VPS13A: variants seen among roughly 807,000 people sequenced by gnomAD.
VPS13A encodes the protein vacuolar protein sorting 13 homolog A.
VPS13A carries 264 observed loss-of-function variants against 390.9 expected under a neutral mutation model. That is an observed-to-expected ratio of 0.68 (90% confidence interval 0.61 to 0.75). VPS13A has a LOEUF of 0.75. Ranked by LOEUF, VPS13A falls within the 30% of genes least tolerant of loss-of-function variation. The pLI is 0.00. For synonymous variants in VPS13A, 1,231 were observed against 1,227.1 expected, an observed-to-expected ratio of 1.00 and a Z score of -0.07; for missense variants, 3,409 against 3,733.9, an observed-to-expected ratio of 0.91 and a Z score of 2.27.
rs57265715 is a variant in VPS13A, at chr9:77,354,722, T to C, written c.7652+1081T>C. Among the ~76,000 whole-genome samples, 1,200 of 152,188 alleles carry C rather than the reference T, an allele frequency of 7.9e-3. 18 individuals are homozygous for C. Among genetic ancestry groups the C allele is most frequent in the African/African-American group, 0.027 (1,126 of 41,520 alleles). ...ATACTTGTCTCCCCTTAAACCCCCA[T>C]TGTGTCAGCTTACTACCTTGCATTC... On this transcript the variant is annotated intron_variant, in intron 54 of 71. Transcript: ENST00000360280.
chr9:77,296,773 C>T (rs921782766), intron 33 of VPS13A, among the ~76,000 whole-genome samples: 6 of 152,058 alleles, frequency 3.9e-5, no homozygotes, highest in Non-Finnish European at 5.9e-5. Flanking sequence ...AATTTACCAG[C>T]GAAGCCATCT....
chr9:77,205,876 C>T, intron 4 of VPS13A, 102 bp from the exon 5 acceptor site: 2 of 877,812 alleles, frequency 2.3e-6, no homozygotes, highest in Non-Finnish European at 3.5e-6. Flanking sequence ...AGGCATGAGC[C>T]ACCGCGCCCG....
chr9:77,383,100 A>G (rs1326899085), intron 68 of VPS13A: 11 of 890,730 alleles, frequency 1.2e-5, no homozygotes, highest in Non-Finnish European at 1.5e-5. Context: ...AATATTTTAA[A>G]TATTGTGATA....
chr9:77,338,881 A>G (rs1273051756), intron 47 of VPS13A: 2 of 152,440 alleles, frequency 1.3e-5, no homozygotes, highest in African/African-American at 2.4e-5. Flanking sequence ...GGGTGTGATC[A>G]GTTTTTAGAA....
At chr9:77,357,950 GC>G in intron 56 of VPS13A, 112 bp downstream of exon 56, 16 of 633,734 alleles carry the variant, frequency 2.5e-5, no homozygotes, top group South Asian at 1.2e-4. Flanking sequence ...TGTTGTGCTA[GC>G]CTTTTTTTTT....
chr9:77,315,531 C>T, intron 38 of VPS13A, 61 bp downstream of exon 38: 1 of 1,452,242 alleles, frequency 6.9e-7, no homozygotes, highest in Non-Finnish European at 9.6e-7. Context: ...CAGGACTTAA[C>T]CTTGATTAGC....
At chr9:77,282,100 A>G in intron 28 of VPS13A, 21 bp from the exon 29 acceptor site, 1 of 1,612,268 alleles carries the variant, frequency 6.2e-7, no homozygotes. Context: ...ACCTATCACT[A>G]AAATCAGCTT....
chr9:77,341,438 C>T (rs1383492928), intron 50 of VPS13A, among the ~76,000 whole-genome samples: 1 of 152,132 alleles, frequency 6.6e-6, no homozygotes, highest in Non-Finnish European at 1.5e-5. Flanking sequence ...ATGTGGTTTA[C>T]TTTTTATTTA....
At chr9:77,343,964 T>C (rs1299671602) in intron 50 of VPS13A, among the ~76,000 whole-genome samples, 189 bp from the exon 51 acceptor site, 1 of 152,204 alleles carries the variant, frequency 6.6e-6, no homozygotes, top group Non-Finnish European at 1.5e-5. Context: ...CTTGAATGCA[T>C]AGTGCTGACA....
chr9:77,375,854 C>T (rs568762079), intron 67 of VPS13A, among the ~76,000 whole-genome samples: 5 of 152,292 alleles, frequency 3.3e-5, no homozygotes, highest in South Asian at 2.1e-4. Flanking sequence ...CAGCAATGAA[C>T]ACAATTGGCA....
intron 33 of VPS13A, among the ~76,000 whole-genome samples, chr9:77,299,612 G>A (rs1025137499): frequency 1.3e-5 from 2 of 152,104 alleles, no homozygotes; most frequent in Non-Finnish European, 2.9e-5. Context: ...CTCCTGTAAA[G>A]ACACATGCAC....
At chr9:77,300,509 A>G (rs1828280278) in intron 33 of VPS13A, among the ~76,000 whole-genome samples, 1 of 152,226 alleles carries the variant, frequency 6.6e-6, no homozygotes, top group African/African-American at 2.4e-5. Context: ...AGGATGGCAG[A>G]TTGCTTGAGC....
At chr9:77,351,535 G>A (rs1831467234) in intron 53 of VPS13A, 89 bp downstream of exon 53, 2 of 1,517,668 alleles carry the variant, frequency 1.3e-6, no homozygotes, top group Non-Finnish European at 9.0e-7. Context: ...TGTAATCCCA[G>A]CACTTTTGGG....
At chr9:77,212,006 AT>A (rs1299513608) in intron 7 of VPS13A, among the ~76,000 whole-genome samples, 1 of 152,146 alleles carries the variant, frequency 6.6e-6, no homozygotes, top group Non-Finnish European at 1.5e-5. Flanking sequence ...TGGAAAAGTT[AT>A]CTCCTATGAA....
chr9:77,303,272 A>G (rs537051851), intron 34 of VPS13A, among the ~76,000 whole-genome samples: 82 of 152,330 alleles, frequency 5.4e-4, no homozygotes, highest in South Asian at 1.4e-3. Context: ...GCAAGGAAGC[A>G]ATGACATTGT....
At chr9:77,233,073 T>C (rs1823929616) in intron 17 of VPS13A, among the ~76,000 whole-genome samples, 1 of 152,168 alleles carries the variant, frequency 6.6e-6, no homozygotes. Context: ...TACTATAGGT[T>C]TTTAAGGTTA....
intron 31 of VPS13A, among the ~76,000 whole-genome samples, chr9:77,291,953 G>A (rs1827696329): frequency 6.6e-6 from 1 of 152,130 alleles, no homozygotes; most frequent in Non-Finnish European, 1.5e-5. Context: ...GGCCCCAGGA[G>A]AGTTCTTGTT....
chr9:77,285,383 G>C (rs1827268383), intron 31 of VPS13A, among the ~76,000 whole-genome samples: 1 of 152,182 alleles, frequency 6.6e-6, no homozygotes, highest in Non-Finnish European at 1.5e-5. Context: ...TCCATTTACT[G>C]TAGCACCATT....
chr9:77,356,140 A>T (rs1354444281), intron 54 of VPS13A, among the ~76,000 whole-genome samples: 1 of 152,048 alleles, frequency 6.6e-6, no homozygotes, highest in African/African-American at 2.4e-5. Context: ...TCTATTCCTA[A>T]TGTGTTCCTG....
Sources: gnomAD v4.1 joint callset for allele counts (sites outside exome capture counted in the v4.1 genomes callset) on GRCh38, gnomAD v4.1.1 for gene constraint, MANE v1.5 for transcripts, NCBI Gene and HGNC (gene_info 2026-07-23, HGNC 2026-07-21) for gene names.